Variants in SREBF2 observed in about 807,000 individuals in gnomAD.
The protein encoded by SREBF2 is sterol regulatory element binding transcription factor 2.
SREBF2 carries 55 observed loss-of-function variants against 113.1 expected under a neutral mutation model. The ratio of observed to expected loss-of-function variants is 0.49; its 90% confidence interval spans 0.39 to 0.61. The LOEUF is 0.61. SREBF2 is among the 20% of genes least tolerant of loss of function. The pLI, the probability that SREBF2 is intolerant of heterozygous loss-of-function variation, is 0.00. For missense variants in SREBF2, 1,349 were observed against 1,487.4 expected (o/e 0.91, Z 1.53); for synonymous variants, 593 against 605.7 (o/e 0.98, Z 0.31).
chr22:41,870,628 C>CAAAA (rs133289), intron 3 of SREBF2, among the ~76,000 whole-genome samples: 90 of 56,088 alleles, frequency 1.6e-3, no homozygotes, highest in Middle Eastern at 0.013. Context: ...CCTGTCTCAG[C>CAAAA]AAAAAAAAAA....
intron 1 of SREBF2, among the ~76,000 whole-genome samples, chr22:41,862,527 TA>T (rs968890213): frequency 4.6e-5 from 7 of 152,158 alleles, no homozygotes; most frequent in African/African-American, 1.7e-4. Flanking sequence ...CAAAGCTCCA[TA>T]AAACTCGCCT....
chr22:41,891,574 T>C (rs1243864979), intron 11 of SREBF2, among the ~76,000 whole-genome samples: 1 of 152,226 alleles, frequency 6.6e-6, no homozygotes, highest in Non-Finnish European at 1.5e-5. Context: ...TTTCTGACCC[T>C]GGCATTCAAG....
In SREBF2 at chr22:41,866,841, A is replaced by G. The variant is rs531278811; in HGVS notation, c.99A>G (p.Gln33=). Residue 33 remains glutamine, a synonymous_variant, in exon 2 of 19, where the codon CAA becomes CAG. Transcript: ENST00000361204. ...LTLGDIDEML[Q]FVSNQVGEFP... is the part of the protein sequence containing the mutation. Reference sequence around the variant, plus strand: ...TTCTTTTGTTCACAGAGATGCTGCAATTTGTCAGTAATCAAGTGGGAGAGT... The same window carrying G: ...TTCTTTTGTTCACAGAGATGCTGCAGTTTGTCAGTAATCAAGTGGGAGAGT... The G allele has an allele frequency of 2.4e-5, 38 of 1,614,220 alleles. No homozygotes were observed. The highest frequency in any genetic ancestry group is 2.0e-4 in the African/African-American group (15 of 75,056).
chr22:41,841,037 T>G (rs915549584), intron 1 of SREBF2, among the ~76,000 whole-genome samples: 1 of 152,132 alleles, frequency 6.6e-6, no homozygotes, highest in African/African-American at 2.4e-5. Context: ...TGTAAAGGTG[T>G]GTCTAATGAG....
intron 4 of SREBF2, among the ~76,000 whole-genome samples, chr22:41,871,619 C>G (rs7292752): frequency 1.3e-5 from 2 of 152,060 alleles, no homozygotes; most frequent in Non-Finnish European, 2.9e-5. Flanking sequence ...CTGACAGGCA[C>G]GGTGGCTCAC....
In SREBF2 at chr22:41,864,255, T is replaced by C. The variant is rs1174072549; in HGVS notation, c.89-2576T>C. The stretch of plus-strand genomic sequence containing the variant: ...ATATATATATATATATATATATATA[T>C]ATATATACACACACACACACACACA... On this transcript the variant is annotated intron_variant, in intron 1 of 18. Transcript: ENST00000361204. Among the ~76,000 whole-genome samples the C allele has an allele frequency of 6.5e-3, 495 of 75,688 alleles. 4 individuals are homozygous for C. The highest frequency in any genetic ancestry group is 0.018 in the African/African-American group (389 of 21,872). The allele number at this position is 75,688 out of a possible 152,430, so 49.7% of individuals were successfully genotyped here. A position where few individuals can be genotyped will look rare whatever the true frequency, so the allele number is the denominator to read the frequency against.
At chr22:41,887,825 A>G (rs1197368011) in intron 11 of SREBF2, among the ~76,000 whole-genome samples, 1 of 151,640 alleles carries the variant, frequency 6.6e-6, no homozygotes, top group Non-Finnish European at 1.5e-5. Context: ...CTTACCGAAC[A>G]CATATAATGT....
Position 41,898,508 on chromosome 22 carries a change from G to C in SREBF2, c.2606-141G>C, listed in dbSNP as rs557683333. The C allele has an allele frequency of 2.1e-5, 22 of 1,065,912 alleles. No individual in the cohort carries two copies. The African/African-American group carries it at 3.5e-4, about 17-fold the overall frequency. The allele number at this position is 1,065,912 out of a possible 1,614,324, so 66.0% of individuals were successfully genotyped here. ...ATTCCCCTCCCCCAGAATCCTGGGTGTGGGAGCCCAGAGGCTGCTGGCCCG... is the reference window on the plus strand; with the variant it reads ...ATTCCCCTCCCCCAGAATCCTGGGTCTGGGAGCCCAGAGGCTGCTGGCCCG... On this transcript the variant is annotated intron_variant, in intron 14 of 18. Transcript: ENST00000361204.
intron 14 of SREBF2, among the ~76,000 whole-genome samples, chr22:41,898,349 C>T (rs1229139259): frequency 2.6e-5 from 4 of 152,178 alleles, no homozygotes; most frequent in African/African-American, 7.2e-5. Context: ...AACTCCTGAC[C>T]TCAGGTGATC....
At chr22:41,903,187 G>T (rs747678481) in intron 17 of SREBF2, 32 bp downstream of exon 17, 32 of 1,545,108 alleles carry the variant, frequency 2.1e-5, no homozygotes, top group Non-Finnish European at 2.7e-5. Context: ...GGGCAGGGCA[G>T]ATTGGAGCCT....
chr22:41,898,840 A>T (rs1260433811), intron 15 of SREBF2, 59 bp downstream of exon 15: 1 of 1,602,854 alleles, frequency 6.2e-7, no homozygotes. Context: ...TGTTTGAGTT[A>T]GCAGGAGCAA....
intron 1 of SREBF2, among the ~76,000 whole-genome samples, chr22:41,858,971 G>A (rs570352030): frequency 2.0e-5 from 3 of 151,764 alleles, no homozygotes; most frequent in Non-Finnish European, 2.9e-5. Flanking sequence ...GTGAAACCCC[G>A]TCTCTACTGG....
intron 1 of SREBF2, among the ~76,000 whole-genome samples, chr22:41,853,773 C>T (rs972154771): frequency 3.9e-5 from 6 of 152,098 alleles, no homozygotes; most frequent in Non-Finnish European, 7.4e-5. Flanking sequence ...CAGTGGCTCA[C>T]GCCTGTAATC....
intron 16 of SREBF2, chr22:41,900,885 C>G: frequency 1.9e-6 from 1 of 520,208 alleles, no homozygotes; most frequent in Middle Eastern, 3.1e-4. Flanking sequence ...GGCACACAAA[C>G]AGAGCTGAAG....
intron 10 of SREBF2, among the ~76,000 whole-genome samples, chr22:41,884,480 C>G (rs1464798647): frequency 6.6e-6 from 1 of 152,114 alleles, no homozygotes; most frequent in Non-Finnish European, 1.5e-5. Flanking sequence ...CAAATCAGTT[C>G]ATCTAAAAAA....
In SREBF2 at chr22:41,896,553, G is replaced by C. The variant is rs551276574; in HGVS notation, c.2496-499G>C. ...TTTTGTATTTCTTGGTAGAGGCAGA[G>C]TTTCACCATTGGTCAGGCTGGTCTG... On this transcript the variant is annotated intron_variant, in intron 13 of 18. Coordinates refer to ENST00000361204, the MANE Select transcript of SREBF2 (RefSeq NM_004599.4). Among the ~76,000 whole-genome samples, 9 of 152,290 alleles carry C rather than the reference G, an allele frequency of 5.9e-5. No homozygotes were observed. The South Asian group carries it at 1.9e-3, about 32-fold the overall frequency.
chr22:41,905,547 C>G lies in SREBF2; in HGVS notation c.3313C>G (p.Leu1105Val), dbSNP rs746327672. 3 of 1,590,516 alleles carry G rather than the reference C, an allele frequency of 1.9e-6. No homozygotes were observed. The highest frequency in any genetic ancestry group is 2.6e-6 in the Non-Finnish European group (3 of 1,169,264). The part of the protein sequence containing the change: ...FLSSPGQRAV[L>V]LAEAARTLEK... Reference sequence around the variant, plus strand: ...CTCCTCCCCGGGCCAGCGGGCAGTGCTGCTGGCCGAAGCTGCCCGCACCCT... The same window carrying G: ...CTCCTCCCCGGGCCAGCGGGCAGTGGTGCTGGCCGAAGCTGCCCGCACCCT... The change falls in exon 19 of 19, where the codon CTG becomes GTG. Residue 1105 changes from leucine to valine, a missense_variant. Physicochemically the swap from Leu to Val is conservative, Grantham distance 32 (BLOSUM62 1). Around this residue, in one of 2 missense-constraint regions of SREBF2, gnomAD observed 650 missense variants for 644.1 expected, o/e 1.01. Transcript: ENST00000361204.
chr22:41,901,067 G>A (rs2077461839), intron 16 of SREBF2: 1 of 470,258 alleles, frequency 2.1e-6, no homozygotes. Context: ...TCAGGTGGGG[G>A]AGGGGATCCT....
chr22:41,904,990 C>G lies in SREBF2; in HGVS notation c.3205+16C>G, dbSNP rs1370403156. The G allele has an allele frequency of 6.4e-7, 1 of 1,573,262 alleles. No homozygotes were observed. Among genetic ancestry groups the G allele is most frequent in the Non-Finnish European group, 8.6e-7 (1 of 1,164,654 alleles). The stretch of plus-strand genomic sequence containing the variant: ...ACCAAGCACGGTGAGTCCACCCCTC[C>G]CCAGCTCACAGGCTGGGCCAGGCCC... On this transcript the variant is annotated intron_variant, in intron 18 of 18. Transcript: ENST00000361204.
Sources: gnomAD v4.1 joint callset for allele counts (sites outside exome capture counted in the v4.1 genomes callset) on GRCh38, gnomAD v4.1.1 for gene constraint, gnomAD v4.1.1 regional missense constraint, MANE v1.5 for transcripts, NCBI Gene and HGNC (gene_info 2026-07-23, HGNC 2026-07-21) for gene names.